The following PTPRD variants were observed in gnomAD, a reference collection of about 807,000 sequenced individuals.
PTPRD encodes protein tyrosine phosphatase receptor type D, also known as receptor-type tyrosine-protein phosphatase delta.
PTPRD carries 34 observed loss-of-function variants against 214.5 expected under a neutral mutation model. That is an observed-to-expected ratio of 0.16 (90% CI 0.12 to 0.21). The LOEUF is 0.21. PTPRD is among the 10% of genes least tolerant of loss of function. PTPRD has a pLI of 1.00. For missense variants in PTPRD, 2,545 were observed against 2,398.7 expected (o/e 1.06, Z -1.27); for synonymous variants, 1,128 against 845.7 (o/e 1.33, Z -5.79).
chr9:8,906,527 T>C (rs1284080108), intron 11 of PTPRD, among the ~76,000 whole-genome samples: 1 of 152,232 alleles, frequency 6.6e-6, no homozygotes, highest in African/African-American at 2.4e-5. Flanking sequence ...ACTGACGTAC[T>C]ACATTGTAAG....
At chr9:9,977,014 C>G (rs1377223298) in intron 4 of PTPRD, among the ~76,000 whole-genome samples, 1 of 152,032 alleles carries the variant, frequency 6.6e-6, no homozygotes, top group Non-Finnish European at 1.5e-5. Context: ...TATATTTTAA[C>G]CACATGAAAA....
chr9:9,984,691 C>A (rs2095650050), intron 4 of PTPRD, among the ~76,000 whole-genome samples: 1 of 152,062 alleles, frequency 6.6e-6, no homozygotes, highest in South Asian at 2.1e-4. Context: ...TGAATTGATA[C>A]AATATCCCTG....
rs758577045 is a variant in PTPRD, at chr9:8,521,487, C to T, written c.751G>A (p.Gly251Arg). ...GCCACACAGGTGATATTAACGCTTCCGCCTGGCATGATTTCATGATTAGTG... is the reference window on the plus strand; with the variant it reads ...GCCACACAGGTGATATTAACGCTTCTGCCTGGCATGATTTCATGATTAGTG... ...PPTNHEIMPG[G>R]SVNITCVAVG... Residue 251 changes from glycine to arginine, a missense_variant, in exon 20 of 46, where the codon GGA (glycine) becomes AGA (arginine). Gly to Arg is a moderately radical substitution (Grantham distance 125). Transcript: ENST00000381196. The T allele has an allele frequency of 1.1e-5, 17 of 1,613,894 alleles. No individual in the cohort carries two copies. In the South Asian group the frequency reaches 1.3e-4, roughly 13 times the overall value.
Position 9,452,401 on chromosome 9 carries a change from G to C in PTPRD, c.-236-54919C>G, listed in dbSNP as rs138868256. On this transcript the variant is annotated intron_variant, in intron 8 of 45. Coordinates refer to ENST00000381196, the MANE Select transcript of PTPRD (RefSeq NM_002839.4). ...ATTTAAATCAAAATAAATCTTTCCA[G>C]ACTGAATGTGTAAAATTCAAGAATG... 3.1e-3 allele frequency among the ~76,000 whole-genome samples: 462 copies of C among 151,474 alleles called. 2 individuals carry two copies. Among genetic ancestry groups the C allele is most frequent in the Non-Finnish European group, 4.7e-3 (317 of 67,548 alleles).
intron 14 of PTPRD, among the ~76,000 whole-genome samples, chr9:8,593,396 G>T (rs934582166): frequency 4.6e-5 from 7 of 152,096 alleles, no homozygotes; most frequent in African/African-American, 1.7e-4. Flanking sequence ...CTGGTGAAAG[G>T]TCACACTTGT....
In PTPRD at chr9:8,753,972, C is replaced by A. The variant is rs987089937; in HGVS notation, c.-103-20026G>T. ...CCAGCCAAGCCAACGTGGAGAAACC[C>A]GGTCTCTACTAAAAATACAAAAATT... On this transcript the variant is annotated intron_variant, in intron 11 of 45. Coordinates refer to ENST00000381196, the MANE Select transcript of PTPRD (RefSeq NM_002839.4). 2.0e-5 allele frequency among the ~76,000 whole-genome samples: 3 copies of A among 152,018 alleles called. No individual in the cohort carries two copies. The South Asian group carries it at 6.2e-4, about 32-fold the overall frequency.
intron 5 of PTPRD, among the ~76,000 whole-genome samples, chr9:9,907,457 C>T (rs962036288): frequency 5.9e-5 from 9 of 151,912 alleles, no homozygotes; most frequent in East Asian, 1.9e-4. Flanking sequence ...CCTTTCTCCA[C>T]GGCTTGACCA....
intron 39 of PTPRD, among the ~76,000 whole-genome samples, chr9:8,369,528 G>T (rs1430900671): frequency 6.6e-6 from 1 of 151,006 alleles, no homozygotes; most frequent in Non-Finnish European, 1.5e-5. Flanking sequence ...TATGTGGTAT[G>T]CAGTCCCTAT....
chr9:10,320,475 G>T (rs1032763190), intron 3 of PTPRD, among the ~76,000 whole-genome samples: 2 of 151,916 alleles, frequency 1.3e-5, no homozygotes, highest in African/African-American at 4.8e-5. Flanking sequence ...TCATGTGCTT[G>T]GTAGGCACCT....
intron 37 of PTPRD, among the ~76,000 whole-genome samples, chr9:8,378,046 A>G (rs987574393): frequency 4.6e-5 from 7 of 152,112 alleles, no homozygotes; most frequent in African/African-American, 1.4e-4. Flanking sequence ...TATTAAATTC[A>G]CAAGGTTTGA....
intron 8 of PTPRD, among the ~76,000 whole-genome samples, chr9:9,526,355 G>A (rs1263618125): frequency 6.6e-6 from 1 of 152,128 alleles, no homozygotes; most frequent in East Asian, 1.9e-4. Flanking sequence ...TCTAGGCTAG[G>A]TCATAGGGTA....
chr9:10,158,031 C>T (rs536759837), intron 3 of PTPRD, among the ~76,000 whole-genome samples: 15 of 123,356 alleles, frequency 1.2e-4, no homozygotes, highest in Non-Finnish European at 2.3e-4. Context: ...TTGTTTTTGA[C>T]AGAGTCTCAC....
intron 5 of PTPRD, among the ~76,000 whole-genome samples, chr9:9,844,899 G>T: frequency 6.6e-6 from 1 of 151,138 alleles, no homozygotes; most frequent in East Asian, 1.9e-4. Flanking sequence ...TCCCAGGCTT[G>T]TTAGCACAGA....
intron 8 of PTPRD, among the ~76,000 whole-genome samples, chr9:9,400,051 T>A (rs1481794109): frequency 6.7e-6 from 1 of 148,972 alleles, no homozygotes; most frequent in East Asian, 1.9e-4. Context: ...TTATTTTGAC[T>A]TTCTTTAAAA....
At chr9:10,143,726 T>C (rs529840021) in intron 3 of PTPRD, among the ~76,000 whole-genome samples, 140 of 152,090 alleles carry the variant, frequency 9.2e-4, no homozygotes, top group Non-Finnish European at 1.6e-3. Context: ...TATGCAGCCA[T>C]AAAAAAATGA....
chr9:10,055,238 T>C (rs2097607065), intron 3 of PTPRD, among the ~76,000 whole-genome samples: 1 of 152,316 alleles, frequency 6.6e-6, no homozygotes, highest in South Asian at 2.1e-4. Context: ...GACACTTGCC[T>C]GCTTTACTGG....
At position 8,373,864 on chromosome 9, in the gene PTPRD, GTCTATCTATCTATCTATCTA is replaced by G. The variant is rs368216657; in HGVS notation, c.4661+2052_4661+2071del. ...TGTATGTATGTGTATGTGTCTGTCT[GTCTATCTATCTATCTATCTA>G]TCTATCTATCTATCTATCTATCTAT... is the stretch of plus-strand genomic sequence containing the variant. On this transcript the variant is annotated intron_variant, in intron 39 of 45. Coordinates refer to ENST00000381196, the MANE Select transcript of PTPRD (RefSeq NM_002839.4). 1.6e-3 allele frequency among the ~76,000 whole-genome samples: 169 copies of G among 107,930 alleles called. 1 individual carries two copies. The highest frequency in any genetic ancestry group is 6.2e-3 in the African/African-American group (127 of 20,518). The allele number at this position is 107,930 out of a possible 152,430, so 70.8% of individuals were successfully genotyped here.
At chr9:10,435,217 C>G (rs1017235224) in intron 2 of PTPRD, among the ~76,000 whole-genome samples, 2 of 151,848 alleles carry the variant, frequency 1.3e-5, no homozygotes, top group Non-Finnish European at 2.9e-5. Flanking sequence ...CTTGTTCCCT[C>G]AAGTGTAGCC....
At chr9:8,715,613 A>G (rs2098423584) in intron 12 of PTPRD, among the ~76,000 whole-genome samples, 1 of 152,190 alleles carries the variant, frequency 6.6e-6, no homozygotes, top group African/African-American at 2.4e-5. Context: ...CTTCTAACTA[A>G]AGTTATAAAA....
Sources: allele counts gnomAD v4.1 joint callset (sites outside exome capture counted in the v4.1 genomes callset), GRCh38; gene constraint gnomAD v4.1.1; transcripts MANE v1.5; gene names NCBI Gene and HGNC (gene_info 2026-07-23, HGNC 2026-07-21).